Variants in MYO3B observed in about 807,000 individuals in gnomAD.
The protein encoded by MYO3B is myosin IIIB.
MYO3B carries 156 observed loss-of-function variants against 174.6 expected under a neutral mutation model. The ratio of observed to expected loss-of-function variants is 0.89; its 90% CI spans 0.78 to 1.02. The LOEUF (loss-of-function observed/expected upper bound fraction) is 1.02. Ranked by LOEUF, MYO3B falls within the 50% of genes least tolerant of loss-of-function variation. The pLI, the probability that MYO3B is intolerant of heterozygous loss-of-function variation, is 0.00. For missense variants in MYO3B, 1,632 were observed against 1,639.4 expected (o/e 1.00, Z 0.08); for synonymous variants, 563 against 569.1 (o/e 0.99, Z 0.15).
At chr2:170,605,351 T>A (rs189670882) in intron 32 of MYO3B, among the ~76,000 whole-genome samples, 192 of 152,306 alleles carry the variant, frequency 1.3e-3, no homozygotes, top group African/African-American at 4.5e-3. Flanking sequence ...TCTCCAAGCC[T>A]GAAATTCCAG....
chr2:170,482,864 C>A (rs559958186), intron 25 of MYO3B, among the ~76,000 whole-genome samples: 2 of 152,178 alleles, frequency 1.3e-5, no homozygotes, highest in Non-Finnish European at 2.9e-5. Flanking sequence ...CTTCTGTGAC[C>A]ACCTCTACTT....
intron 7 of MYO3B, among the ~76,000 whole-genome samples, chr2:170,285,535 A>G (rs1049922537): frequency 2.0e-5 from 3 of 151,698 alleles, no homozygotes; most frequent in Non-Finnish European, 4.4e-5. Context: ...TAATTTTTGT[A>G]TTTTTTTAGT....
At chr2:170,458,373 C>T (rs898116965) in intron 23 of MYO3B, among the ~76,000 whole-genome samples, 2 of 152,176 alleles carry the variant, frequency 1.3e-5, no homozygotes, top group Non-Finnish European at 2.9e-5. Context: ...GGCCACACAG[C>T]TAGCAAGAAT....
intron 6 of MYO3B, among the ~76,000 whole-genome samples, chr2:170,224,938 C>T (rs1341166796): frequency 6.6e-6 from 1 of 152,128 alleles, no homozygotes; most frequent in Admixed American, 6.5e-5. Flanking sequence ...GTTAATTATG[C>T]CATTCCTAGT....
intron 8 of MYO3B, chr2:170,350,641 C>T (rs2094059107): frequency 6.6e-6 from 1 of 152,132 alleles, no homozygotes; most frequent in Non-Finnish European, 1.5e-5. Flanking sequence ...ACTTTACTTC[C>T]TCACTGTAAA....
At chr2:170,326,526 A>G (rs2093869097) in intron 7 of MYO3B, among the ~76,000 whole-genome samples, 1 of 151,118 alleles carries the variant, frequency 6.6e-6, no homozygotes, top group Non-Finnish European at 1.5e-5. Flanking sequence ...TAAAGAATGG[A>G]TGTCAGTAAA....
intron 8 of MYO3B, chr2:170,349,817 A>AAAG (rs2094048738): frequency 6.6e-6 from 1 of 151,042 alleles, no homozygotes; most frequent in Admixed American, 6.6e-5. Context: ...AAAAAAAGAA[A>AAAG]GAAAGAAAAA....
chr2:170,505,720 A>G (rs772674215), intron 28 of MYO3B, among the ~76,000 whole-genome samples: 2 of 152,220 alleles, frequency 1.3e-5, no homozygotes, highest in African/African-American at 2.4e-5. Context: ...TTTAGATGAG[A>G]GCAAAGTTGT....
In MYO3B at chr2:170,629,436, A is replaced by C. The variant is rs1696750761; in HGVS notation, c.3734-22192A>C. 2.0e-5 allele frequency among the ~76,000 whole-genome samples: 3 copies of C among 152,346 alleles called. No individual in the cohort carries two copies. The South Asian group carries it at 6.2e-4, about 32-fold the overall frequency. On this transcript the variant is annotated intron_variant, in intron 32 of 34. Transcript: ENST00000408978. Reference sequence around the variant, plus strand: ...GAAGCTTCATGAGGGTGATTTTAGCAGAGGGTAAAATTATCATAAAAGTAC... The same window carrying C: ...GAAGCTTCATGAGGGTGATTTTAGCCGAGGGTAAAATTATCATAAAAGTAC...
intron 7 of MYO3B, among the ~76,000 whole-genome samples, chr2:170,257,425 C>A (rs1246150381): frequency 6.6e-6 from 1 of 151,988 alleles, no homozygotes. Flanking sequence ...AAATCAATAC[C>A]AAGAAGATCT....
At chr2:170,563,492 T>C (rs574676113) in intron 32 of MYO3B, among the ~76,000 whole-genome samples, 17 of 152,274 alleles carry the variant, frequency 1.1e-4, no homozygotes, top group African/African-American at 3.9e-4. Context: ...AGAATCTTCT[T>C]TGTCCCTTTC....
At chr2:170,634,657 G>T (rs1247555773) in intron 32 of MYO3B, among the ~76,000 whole-genome samples, 3 of 152,178 alleles carry the variant, frequency 2.0e-5, no homozygotes, top group African/African-American at 7.2e-5. Context: ...CACAGCAAAA[G>T]AAACTACCAT....
chr2:170,430,374 C>T (rs1428768171), intron 22 of MYO3B, among the ~76,000 whole-genome samples: 2 of 136,722 alleles, frequency 1.5e-5, no homozygotes, highest in East Asian at 4.2e-4. Flanking sequence ...TTCTGGATAG[C>T]TTTTTTTTTT....
rs750951279 is a variant in MYO3B at position 170,383,812 on chromosome 2, C to A, written c.1288C>A (p.Gln430Lys). Residue 430 changes from glutamine to lysine, a missense_variant and splice_region_variant, in exon 12 of 35, where the codon CAG becomes AAG. By Grantham distance (53) the Gln-to-Lys change is moderately conservative. Coordinates refer to ENST00000408978, the MANE Select transcript of MYO3B (RefSeq NM_138995.5). ...YQCMVTLSKD[Q>K]CIVISGESGS... is the part of the protein sequence containing the mutation. ...GTGCATGGTTACTCTCAGCAAAGAC[C>A]AGGTAAGAACTCACCTTCCTTTCCT... 8 of 1,609,630 alleles carry A rather than the reference C, an allele frequency of 5.0e-6. No individual in the cohort carries two copies. The highest frequency in any genetic ancestry group is 1.1e-5 in the South Asian group (1 of 90,938).
chr2:170,490,955 T>A (rs1276754135), intron 25 of MYO3B, among the ~76,000 whole-genome samples: 1 of 152,186 alleles, frequency 6.6e-6, no homozygotes, highest in African/African-American at 2.4e-5. Context: ...TTCCTTTCTT[T>A]TTTTCTGATC....
chr2:170,407,035 GTC>G (rs1376627393), intron 21 of MYO3B, among the ~76,000 whole-genome samples: 1 of 152,152 alleles, frequency 6.6e-6, no homozygotes, highest in Non-Finnish European at 1.5e-5. Flanking sequence ...CTCTTCCTAA[GTC>G]TCTGCCTGCC....
intron 30 of MYO3B, among the ~76,000 whole-genome samples, chr2:170,531,223 C>T (rs1689332717): frequency 6.6e-6 from 1 of 152,140 alleles, no homozygotes; most frequent in African/African-American, 2.4e-5. Context: ...TTCCAAATGC[C>T]CCATTTGTAA....
Position 170,653,257 on chromosome 2 carries a change from A to G in MYO3B, c.*136A>G, listed in dbSNP as rs1699122512. The G allele has an allele frequency of 2.0e-6, 2 of 1,019,002 alleles. No individual in the cohort carries two copies. The highest frequency in any genetic ancestry group is 2.4e-5 in the East Asian group (1 of 41,622). The allele number at this position is 1,019,002 out of a possible 1,614,324, so 63.1% of individuals were successfully genotyped here. ...GTCCATGCCTGAACCTTACTGAACCACTTGCAGATTCCAAAACATCTTATC... is the reference window on the plus strand; with the variant it reads ...GTCCATGCCTGAACCTTACTGAACCGCTTGCAGATTCCAAAACATCTTATC... On this transcript the variant is annotated 3_prime_UTR_variant, in exon 35 of 35. Transcript: ENST00000408978.
At chr2:170,651,386 CCTGGACTGCTGAT>C (rs139850259) in intron 32 of MYO3B, among the ~76,000 whole-genome samples, 31,334 of 152,088 alleles carry the variant, frequency 0.21, 4,182 homozygotes, top group African/African-American at 0.38. Flanking sequence ...TTTCTGTCAC[CCTGGACTGCTGAT>C]TCAGATCAGA....
Sources: gnomAD v4.1 joint callset for allele counts (sites outside exome capture counted in the v4.1 genomes callset) on GRCh38, gnomAD v4.1.1 for gene constraint, MANE v1.5 for transcripts, NCBI Gene and HGNC (gene_info 2026-07-23, HGNC 2026-07-21) for gene names.